NMRK1: variants seen among roughly 807,000 people sequenced by gnomAD.
The protein encoded by NMRK1 is NRK 1.
A neutral mutation model predicts 29.9 loss-of-function variants in NMRK1; 28 were observed. The observed-to-expected ratio is 0.94, with a 90% CI of 0.69 to 1.28. NMRK1 has a LOEUF of 1.28. NMRK1 is among the 50% of genes most tolerant of loss of function. The pLI, the probability that NMRK1 is intolerant of heterozygous loss-of-function variation, is 0.00. For synonymous variants in NMRK1, 58 were observed against 73.0 expected (o/e 0.79, Z 1.05); for missense variants, 218 against 233.1 (o/e 0.94, Z 0.42).
chr9:75,087,586 TTC>T (rs1254823334), intron 1 of NMRK1: 2 of 151,212 alleles, frequency 1.3e-5, no homozygotes, highest in Admixed American at 1.3e-4. Flanking sequence ...AGTATTATAT[TTC>T]TTTTTATTTC....
intron 2 of NMRK1, among the ~76,000 whole-genome samples, chr9:75,079,444 G>A (rs989241869): frequency 1.3e-5 from 2 of 151,520 alleles, no homozygotes; most frequent in Non-Finnish European, 3.0e-5. Context: ...AGAAAAATCT[G>A]TCATTTTTTA....
intron 2 of NMRK1, among the ~76,000 whole-genome samples, chr9:75,078,781 C>T (rs977754808): frequency 1.3e-5 from 2 of 152,072 alleles, no homozygotes; most frequent in South Asian, 2.1e-4. Flanking sequence ...GAAGTATCAT[C>T]GATGTTCATT....
At chr9:75,071,165 T>C (rs77164567) in intron 4 of NMRK1, among the ~76,000 whole-genome samples, 2,816 of 152,202 alleles carry the variant, frequency 0.019, 65 homozygotes, top group South Asian at 0.098. Flanking sequence ...TTGTTCCACA[T>C]TTTTATTCAT....
intron 4 of NMRK1, among the ~76,000 whole-genome samples, chr9:75,076,622 ACT>A (rs1360783855): frequency 1.3e-5 from 2 of 152,098 alleles, no homozygotes; most frequent in East Asian, 3.8e-4. Context: ...ACAGGGTCTC[ACT>A]CTGTCACCCA....
intron 4 of NMRK1, among the ~76,000 whole-genome samples, chr9:75,070,558 A>G (rs921184403): frequency 1.3e-5 from 2 of 152,196 alleles, no homozygotes; most frequent in African/African-American, 4.8e-5. Context: ...GTCACACTCT[A>G]AAAATGTACA....
At chr9:75,083,856 A>AT (rs561000149) in intron 1 of NMRK1, among the ~76,000 whole-genome samples, 8 of 152,060 alleles carry the variant, frequency 5.3e-5, no homozygotes, top group African/African-American at 1.4e-4. Context: ...CATTTTCACA[A>AT]TTTTTTTTGA....
intron 4 of NMRK1, among the ~76,000 whole-genome samples, chr9:75,075,991 G>A (rs1421641229): frequency 6.6e-6 from 1 of 152,186 alleles, no homozygotes; most frequent in African/African-American, 2.4e-5. Flanking sequence ...ATGTAAATTA[G>A]TACAGCCACT....
At chr9:75,061,980 A>G (rs1290846557) in intron 8 of NMRK1, among the ~76,000 whole-genome samples, 1 of 152,226 alleles carries the variant, frequency 6.6e-6, no homozygotes, top group Non-Finnish European at 1.5e-5. Context: ...TTGATTTGGC[A>G]TAGAAATTCA....
At chr9:75,071,827 G>A (rs1823716810) in intron 4 of NMRK1, among the ~76,000 whole-genome samples, 1 of 152,166 alleles carries the variant, frequency 6.6e-6, no homozygotes, top group Non-Finnish European at 1.5e-5. Context: ...GCTGACAGGA[G>A]CTGACACGCC....
At chr9:75,071,964 C>T (rs757388106) in intron 4 of NMRK1, among the ~76,000 whole-genome samples, 28 of 152,178 alleles carry the variant, frequency 1.8e-4, no homozygotes, top group Admixed American at 2.6e-4. Flanking sequence ...CCATGGGTGA[C>T]GTGGAGGGGT....
chr9:75,074,013 T>A (rs1217322199), intron 4 of NMRK1, among the ~76,000 whole-genome samples: 2 of 152,218 alleles, frequency 1.3e-5, no homozygotes, highest in African/African-American at 4.8e-5. Context: ...GATCTTTTTC[T>A]AGCCTTTTAC....
chr9:75,064,084 T>C (rs975116960), intron 8 of NMRK1, among the ~76,000 whole-genome samples: 3 of 152,126 alleles, frequency 2.0e-5, no homozygotes, highest in African/African-American at 7.2e-5. Context: ...AAATGCACTT[T>C]CTTGTGAGCT....
chr9:75,074,359 A>T (rs1479749506), intron 4 of NMRK1, among the ~76,000 whole-genome samples: 2 of 150,148 alleles, frequency 1.3e-5, no homozygotes, highest in South Asian at 2.1e-4. Context: ...TCATCTTACT[A>T]TTATTTTCTA....
chr9:75,063,431 T>C (rs1171639631), intron 8 of NMRK1, among the ~76,000 whole-genome samples: 1 of 152,072 alleles, frequency 6.6e-6, no homozygotes, highest in African/African-American at 2.4e-5. Flanking sequence ...TAAATGTTTT[T>C]AAAGGGAGTT....
intron 8 of NMRK1, among the ~76,000 whole-genome samples, chr9:75,062,131 C>G (rs1277642470): frequency 1.3e-5 from 2 of 152,120 alleles, no homozygotes; most frequent in Non-Finnish European, 2.9e-5. Context: ...TGGGAATTTA[C>G]TCCAGGGATA....
intron 4 of NMRK1, among the ~76,000 whole-genome samples, chr9:75,075,803 G>C (rs1184378582): frequency 6.6e-6 from 1 of 152,194 alleles, no homozygotes; most frequent in Non-Finnish European, 1.5e-5. Flanking sequence ...GAAAGAATGA[G>C]AGAATATAGT....
intron 4 of NMRK1, 85 bp downstream of exon 4, chr9:75,077,074 A>G (rs1470836739): frequency 1.2e-5 from 10 of 801,472 alleles, no homozygotes; most frequent in Non-Finnish European, 2.1e-5. Context: ...CCACAGAACC[A>G]TCAACTTCAA....
intron 2 of NMRK1, 37 bp from the exon 3 acceptor site, chr9:75,077,617 A>C: frequency 4.9e-6 from 7 of 1,437,016 alleles, no homozygotes; most frequent in Non-Finnish European, 6.8e-6. Context: ...AAGAAGGAAA[A>C]TGCATTAAAA....
chr9:75,076,267 A>AT (rs1823981979), intron 4 of NMRK1, among the ~76,000 whole-genome samples: 1 of 152,222 alleles, frequency 6.6e-6, no homozygotes, highest in South Asian at 2.1e-4. Flanking sequence ...AAGTCCTGTC[A>AT]TTTGCAGCAA....
Sources: gnomAD v4.1 joint callset for allele counts (sites outside exome capture counted in the v4.1 genomes callset) on GRCh38, gnomAD v4.1.1 for gene constraint, MANE v1.5 for transcripts, NCBI Gene and HGNC (gene_info 2026-07-23, HGNC 2026-07-21) for gene names.